ABI2: variants seen among roughly 807,000 people sequenced by gnomAD.
ABI2 encodes the protein abl interactor 2, also known as abelson interactor 2.
Under a neutral mutation model 59.2 loss-of-function variants are expected in ABI2, and 25 were observed. The ratio of observed to expected loss-of-function variants is 0.42; its 90% CI spans 0.31 to 0.59. The LOEUF (loss-of-function observed/expected upper bound fraction) is 0.59, where lower values mean the gene tolerates loss of function less well. Among genes scored for constraint, ABI2 ranks in the 20% least tolerant of loss-of-function variants. The probability of loss-of-function intolerance (pLI) is 0.14; values close to 1 mark genes in which losing one functional copy is unlikely to be tolerated. For missense variants in ABI2, 545 were observed against 681.8 expected (o/e 0.80, Z 2.23); for synonymous variants, 213 against 235.5 (o/e 0.90, Z 0.87).
intron 1 of ABI2, among the ~76,000 whole-genome samples, chr2:203,364,675 T>G (rs1484798588): frequency 6.6e-6 from 1 of 152,172 alleles, no homozygotes; most frequent in Non-Finnish European, 1.5e-5. Context: ...TATAGTTGAC[T>G]AGGATAGAAT....
At chr2:203,423,871 A>G (rs1016744362) in intron 11 of ABI2, among the ~76,000 whole-genome samples, 18 of 152,372 alleles carry the variant, frequency 1.2e-4, no homozygotes, top group African/African-American at 4.1e-4. Context: ...CCTTCATAAA[A>G]TATTCTAGAA....
chr2:203,371,288 C>T (rs193137799), intron 2 of ABI2, among the ~76,000 whole-genome samples: 3 of 152,152 alleles, frequency 2.0e-5, no homozygotes, highest in Admixed American at 6.5e-5. Flanking sequence ...AATTGTAATC[C>T]GAGGATGGGA....
chr2:203,383,824 T>G (rs2096283595), intron 4 of ABI2, among the ~76,000 whole-genome samples: 1 of 152,166 alleles, frequency 6.6e-6, no homozygotes, highest in Non-Finnish European at 1.5e-5. Context: ...TGTTCAAAAT[T>G]TAAAACCTAT....
At chr2:203,338,900 G>T (rs1446840291) in intron 1 of ABI2, among the ~76,000 whole-genome samples, 4 of 126,140 alleles carry the variant, frequency 3.2e-5, no homozygotes, top group Non-Finnish European at 6.3e-5. Context: ...CTGATAAGGG[G>T]TTTATATCTG....
chr2:203,374,653 A>C (rs1359358780), intron 2 of ABI2, among the ~76,000 whole-genome samples: 1 of 152,194 alleles, frequency 6.6e-6, no homozygotes, highest in Non-Finnish European at 1.5e-5. Context: ...AAAAACTGAA[A>C]ATTACTCTGT....
chr2:203,336,882 A>G (rs1256017084), intron 1 of ABI2, among the ~76,000 whole-genome samples: 1 of 152,232 alleles, frequency 6.6e-6, no homozygotes, highest in Non-Finnish European at 1.5e-5. Flanking sequence ...CTCTTTTCCA[A>G]AAACGATGGT....
At chr2:203,345,908 G>T (rs1414839813) in intron 1 of ABI2, among the ~76,000 whole-genome samples, 1 of 151,580 alleles carries the variant, frequency 6.6e-6, no homozygotes, top group Non-Finnish European at 1.5e-5. Flanking sequence ...GGCCGGGCAC[G>T]GTGGCTCACG....
chr2:203,336,626 C>A (rs925948165), intron 1 of ABI2, among the ~76,000 whole-genome samples: 1 of 152,092 alleles, frequency 6.6e-6, no homozygotes, highest in Non-Finnish European at 1.5e-5. Flanking sequence ...TTGGCTCCTC[C>A]GCAACAGAGT....
intron 4 of ABI2, among the ~76,000 whole-genome samples, chr2:203,385,036 T>C (rs1323888062): frequency 6.6e-6 from 1 of 151,924 alleles, no homozygotes; most frequent in Non-Finnish European, 1.5e-5. Flanking sequence ...GGTTTCGCCA[T>C]GTTGGCCAGG....
chr2:203,395,209 TATTA>T, intron 6 of ABI2: 2 of 596,756 alleles, frequency 3.4e-6, no homozygotes, highest in South Asian at 2.2e-5. Context: ...AGAGTATGAT[TATTA>T]ATTAAAATTA....
chr2:203,337,089 G>T (rs1465147352), intron 1 of ABI2, among the ~76,000 whole-genome samples: 3 of 152,152 alleles, frequency 2.0e-5, no homozygotes, highest in Non-Finnish European at 4.4e-5. Flanking sequence ...ATAAGACAGT[G>T]GTGCCCAGTG....
Position 203,392,469 on chromosome 2 carries a change from G to A in ABI2, c.578+1326G>A, listed in dbSNP as rs968308874. Among the ~76,000 whole-genome samples, 6 of 152,106 alleles carry A rather than the reference G, an allele frequency of 3.9e-5. No homozygotes were observed. The South Asian group carries it at 1.2e-3, about 32-fold the overall frequency. On this transcript the variant is annotated intron_variant, in intron 5 of 11. Coordinates refer to ENST00000261018, the MANE Select transcript of ABI2 (RefSeq NM_001375670.1). ...GATAATAGGACAGTAGGAGACCAAAGAATAAAAATAAATTCCAACCAGGAA... is the reference window on the plus strand; with the variant it reads ...GATAATAGGACAGTAGGAGACCAAAAAATAAAAATAAATTCCAACCAGGAA...
At chr2:203,391,272 G>A in intron 5 of ABI2, 129 bp downstream of exon 5, 1 of 567,146 alleles carries the variant, frequency 1.8e-6, no homozygotes, top group Non-Finnish European at 2.8e-6. Flanking sequence ...TTGTTTGTGT[G>A]TATAACTTCC....
chr2:203,361,278 G>A (rs914924083), intron 1 of ABI2, among the ~76,000 whole-genome samples: 6 of 152,066 alleles, frequency 3.9e-5, no homozygotes, highest in African/African-American at 1.5e-4. Context: ...GTCAATTCTC[G>A]GGCTTAAATC....
intron 1 of ABI2, among the ~76,000 whole-genome samples, chr2:203,364,785 A>T (rs1363714520): frequency 1.3e-5 from 2 of 150,116 alleles, no homozygotes; most frequent in Non-Finnish European, 3.0e-5. Flanking sequence ...CCCAGGCCAG[A>T]GTGCAGTGAT....
intron 5 of ABI2, among the ~76,000 whole-genome samples, chr2:203,391,594 G>T (rs2096742404): frequency 1.3e-5 from 2 of 152,098 alleles, no homozygotes; most frequent in Admixed American, 1.3e-4. Flanking sequence ...ACCAAAGCGG[G>T]CAGATCACTT....
rs548363042 is a variant in ABI2, at chr2:203,332,083, T to G, written c.117+3452T>G. 4.6e-5 allele frequency among the ~76,000 whole-genome samples: 7 copies of G among 152,070 alleles called. No homozygotes were observed. In the East Asian group the frequency reaches 1.2e-3, roughly 25 times the overall value. ...CCTCGGCCTCCCAAAGTGCTAGGAT[T>G]ACAGGCGTGAGCCACCGTGCCTGGC... On this transcript the variant is annotated intron_variant, in intron 1 of 11. Transcript: ENST00000261018.
chr2:203,363,712 T>G (rs1001940822), intron 1 of ABI2, among the ~76,000 whole-genome samples: 1 of 152,230 alleles, frequency 6.6e-6, no homozygotes, highest in Non-Finnish European at 1.5e-5. Flanking sequence ...CTGAATCTCA[T>G]TATTTTTTAT....
intron 9 of ABI2, among the ~76,000 whole-genome samples, chr2:203,406,156 GTC>G (rs2097418405): frequency 6.6e-6 from 1 of 152,142 alleles, no homozygotes; most frequent in African/African-American, 2.4e-5. Context: ...TGAGTTAACA[GTC>G]TCTACTTTAA....
Sources: gnomAD v4.1 joint callset for allele counts (sites outside exome capture counted in the v4.1 genomes callset) on GRCh38, gnomAD v4.1.1 for gene constraint, MANE v1.5 for transcripts, NCBI Gene and HGNC (gene_info 2026-07-23, HGNC 2026-07-21) for gene names.